DIAPH3: variants seen among roughly 807,000 people sequenced by gnomAD.
The protein encoded by DIAPH3 is diaphanous related formin 3.
Under a neutral mutation model 144.3 loss-of-function variants are expected in DIAPH3, and 117 were observed. The ratio of observed to expected loss-of-function variants is 0.81; its 90% CI spans 0.70 to 0.95. The LOEUF (loss-of-function observed/expected upper bound fraction) is 0.95. Ranked by LOEUF, DIAPH3 falls within the 40% of genes least tolerant of loss-of-function variation. The pLI, the probability that DIAPH3 is intolerant of heterozygous loss-of-function variation, is 0.00. For synonymous variants in DIAPH3, 519 were observed against 488.9 expected (o/e 1.06, Z -0.81); for missense variants, 1,421 against 1,412.7 (o/e 1.01, Z -0.09).
intron 8 of DIAPH3, 34 bp from the exon 9 acceptor site, chr13:60,008,683 T>C (rs1566649747): frequency 2.3e-6 from 3 of 1,325,824 alleles, no homozygotes; most frequent in Non-Finnish European, 3.3e-6. Flanking sequence ...AAATTGCAAG[T>C]AGCAAACACA....
At chr13:60,059,439 A>G (rs983902497) in intron 4 of DIAPH3, among the ~76,000 whole-genome samples, 16 of 152,074 alleles carry the variant, frequency 1.1e-4, no homozygotes, top group Admixed American at 1.1e-3. Flanking sequence ...TGCTATTTAT[A>G]AGGTACATTC....
At chr13:60,021,377 C>T (rs1426686255) in intron 5 of DIAPH3, among the ~76,000 whole-genome samples, 3 of 152,192 alleles carry the variant, frequency 2.0e-5, no homozygotes, top group Non-Finnish European at 4.4e-5. Context: ...GTAATCCCAA[C>T]ACTTTGGGAG....
At chr13:60,163,230 GA>G (rs200793684) in intron 1 of DIAPH3, among the ~76,000 whole-genome samples, 3 of 151,856 alleles carry the variant, frequency 2.0e-5, no homozygotes, top group Non-Finnish European at 2.9e-5. Flanking sequence ...ATAATAAGCA[GA>G]AAAAAAACCT....
chr13:59,802,678 T>TTTA (rs2039995848), intron 25 of DIAPH3, among the ~76,000 whole-genome samples: 5 of 69,282 alleles, frequency 7.2e-5, no homozygotes, highest in Admixed American at 1.7e-4. Context: ...TTTTTTTTTT[T>TTTA]TTTTTTTTTT....
In DIAPH3 at chr13:60,070,342, T is replaced by C. The variant is rs143929346; in HGVS notation, c.495+23286A>G. Among the ~76,000 whole-genome samples, 327 of 151,932 alleles carry C rather than the reference T, an allele frequency of 2.2e-3. 2 individuals are homozygous for C. Among genetic ancestry groups the C allele is most frequent in the African/African-American group, 7.5e-3 (312 of 41,452 alleles). The stretch of plus-strand genomic sequence containing the variant: ...AGTCCTAAAAGCCCACTGCAGGGTA[T>C]TGCTAGCAGCTCTTTGTAAAAATCA... On this transcript the variant is annotated intron_variant, in intron 4 of 27. Transcript: ENST00000400324.
intron 25 of DIAPH3, among the ~76,000 whole-genome samples, chr13:59,789,604 G>A (rs1163399152): frequency 1.3e-5 from 2 of 152,200 alleles, no homozygotes; most frequent in African/African-American, 4.8e-5. Context: ...GGAGAAGCCA[G>A]GATAAATGGA....
intron 27 of DIAPH3, among the ~76,000 whole-genome samples, chr13:59,715,099 A>G (rs1199916280): frequency 6.6e-6 from 1 of 152,174 alleles, no homozygotes; most frequent in East Asian, 1.9e-4. Context: ...TTATCTATCT[A>G]GATGCAGCAT....
chr13:59,734,884 A>G (rs1222384732), intron 27 of DIAPH3, among the ~76,000 whole-genome samples: 2 of 152,320 alleles, frequency 1.3e-5, no homozygotes, highest in East Asian at 1.9e-4. Flanking sequence ...ATCCCATAAT[A>G]CAGAATCTCT....
intron 25 of DIAPH3, 111 bp from the exon 26 acceptor site, chr13:59,774,934 C>T: frequency 1.2e-6 from 1 of 854,748 alleles, no homozygotes; most frequent in Non-Finnish European, 2.0e-6. Context: ...AGATCAGATG[C>T]CAGGACTAAG....
chr13:59,670,667 C>T (rs980532389), intron 27 of DIAPH3, among the ~76,000 whole-genome samples: 4 of 151,286 alleles, frequency 2.6e-5, no homozygotes, highest in African/African-American at 9.7e-5. Flanking sequence ...ACTGCAAGCT[C>T]CACCTCCCGG....
chr13:59,684,845 T>C (rs2033132192), intron 27 of DIAPH3, among the ~76,000 whole-genome samples: 1 of 152,194 alleles, frequency 6.6e-6, no homozygotes, highest in South Asian at 2.1e-4. Flanking sequence ...AACTGGTTTA[T>C]GCTTACACAT....
At chr13:59,672,139 A>T (rs955662259) in intron 27 of DIAPH3, among the ~76,000 whole-genome samples, 4 of 152,250 alleles carry the variant, frequency 2.6e-5, no homozygotes, top group Non-Finnish European at 5.9e-5. Context: ...TTGAGCTAAG[A>T]AGGCAAGGCT....
At chr13:59,993,807 C>T (rs565151084) in intron 9 of DIAPH3, among the ~76,000 whole-genome samples, 1 of 150,384 alleles carries the variant, frequency 6.6e-6, no homozygotes, top group African/African-American at 2.4e-5. Flanking sequence ...TGTTTTCCTT[C>T]CACCCCCTTG....
At chr13:59,671,813 A>G (rs2032388288) in intron 27 of DIAPH3, among the ~76,000 whole-genome samples, 1 of 152,228 alleles carries the variant, frequency 6.6e-6, no homozygotes, top group South Asian at 2.1e-4. Context: ...AAACTGAACT[A>G]AAAGTTGAAC....
chr13:59,993,146 T>C (rs1418050886), intron 9 of DIAPH3, among the ~76,000 whole-genome samples: 1 of 151,842 alleles, frequency 6.6e-6, no homozygotes, highest in East Asian at 1.9e-4. Context: ...AAATTCAAAA[T>C]TACCCTATGT....
chr13:59,789,298 GTA>G (rs2039207907), intron 25 of DIAPH3, among the ~76,000 whole-genome samples: 1 of 152,150 alleles, frequency 6.6e-6, no homozygotes, highest in Non-Finnish European at 1.5e-5. Context: ...CCACTTCTGG[GTA>G]GAAGTTTCAC....
intron 4 of DIAPH3, 78 bp downstream of exon 4, chr13:60,093,550 T>C: frequency 1.1e-6 from 1 of 943,270 alleles, no homozygotes; most frequent in East Asian, 2.5e-5. Context: ...CAAACTTAAG[T>C]ACTTCATTAG....
At chr13:60,111,883 G>A in intron 3 of DIAPH3, 127 bp downstream of exon 3, 2 of 854,564 alleles carry the variant, frequency 2.3e-6, no homozygotes, top group Non-Finnish European at 3.7e-6. Flanking sequence ...TGGCTGAAGT[G>A]CTATCTTAAG....
chr13:59,993,193 T>C (rs1459279223), intron 9 of DIAPH3, among the ~76,000 whole-genome samples: 1 of 151,894 alleles, frequency 6.6e-6, no homozygotes, highest in Non-Finnish European at 1.5e-5. Context: ...CACTAAATCC[T>C]TTAATATATA....
Sources: allele counts gnomAD v4.1 joint callset (sites outside exome capture counted in the v4.1 genomes callset), GRCh38; gene constraint gnomAD v4.1.1; transcripts MANE v1.5; gene names NCBI Gene and HGNC (gene_info 2026-07-23, HGNC 2026-07-21).